The following ADAM22 variants were observed in gnomAD, a reference collection of about 807,000 sequenced individuals.
ADAM22 encodes the protein disintegrin and metalloproteinase domain-containing protein 22.
A neutral mutation model predicts 144.6 loss-of-function variants in ADAM22; 65 were observed. The observed-to-expected ratio is 0.45, with a 90% CI of 0.37 to 0.55. ADAM22 has a LOEUF of 0.55. ADAM22 is among the 20% of genes least tolerant of loss of function. The pLI is 0.00. For missense variants in ADAM22, 974 were observed against 1,184.9 expected (o/e 0.82, Z 2.61); for synonymous variants, 391 against 412.6 (o/e 0.95, Z 0.63).
At chr7:88,004,731 C>T (rs1402765331) in intron 3 of ADAM22, among the ~76,000 whole-genome samples, 1 of 152,142 alleles carries the variant, frequency 6.6e-6, no homozygotes, top group Admixed American at 6.5e-5. Flanking sequence ...TTGGGAAAAC[C>T]TCTGTCATAA....
At chr7:88,047,031 A>C (rs1804859893) in intron 3 of ADAM22, among the ~76,000 whole-genome samples, 1 of 152,140 alleles carries the variant, frequency 6.6e-6, no homozygotes, top group Admixed American at 6.5e-5. Flanking sequence ...TGTTCCTTTC[A>C]CTGGCCACTT....
Position 87,975,713 on chromosome 7 carries a change from A to G in ADAM22, c.247-2623A>G, listed in dbSNP as rs369747907. 6.6e-5 allele frequency among the ~76,000 whole-genome samples: 10 copies of G among 152,310 alleles called. No individual in the cohort carries two copies. The South Asian group carries it at 1.5e-3, about 22-fold the overall frequency. ...CAAGAAGAATTTTAACATTACCTCA[A>G]TCCAAGCTGTAATCATGATACCAAG... On this transcript the variant is annotated intron_variant, in intron 2 of 31. Coordinates refer to ENST00000413139, the MANE Select transcript of ADAM22 (RefSeq NM_001324418.2).
intron 17 of ADAM22, among the ~76,000 whole-genome samples, chr7:88,146,170 T>C (rs1420265133): frequency 1.3e-5 from 2 of 152,208 alleles, no homozygotes; most frequent in Non-Finnish European, 2.9e-5. Flanking sequence ...AAATCTGGTG[T>C]AATAGTCTAC....
At chr7:87,938,179 A>G in intron 2 of ADAM22, among the ~76,000 whole-genome samples, 1 of 122,866 alleles carries the variant, frequency 8.1e-6, no homozygotes, top group South Asian at 2.8e-4. Context: ...GTTCTAATTT[A>G]TGGCATTTTA....
At chr7:88,127,586 G>GT (rs3831545) in intron 8 of ADAM22, among the ~76,000 whole-genome samples, 2,116 of 145,096 alleles carry the variant, frequency 0.015, 28 homozygotes, top group Non-Finnish European at 0.019. Flanking sequence ...TGTTATAATA[G>GT]TTTTTTTTTT....
At chr7:88,123,277 G>T (rs991849884) in intron 7 of ADAM22, among the ~76,000 whole-genome samples, 2 of 151,844 alleles carry the variant, frequency 1.3e-5, no homozygotes, top group African/African-American at 4.8e-5. Context: ...AGATGTGTTA[G>T]GAAAAGTTTC....
chr7:87,994,019 G>A (rs1790506964), intron 3 of ADAM22, among the ~76,000 whole-genome samples: 1 of 152,030 alleles, frequency 6.6e-6, no homozygotes, highest in South Asian at 2.1e-4. Context: ...TAATAAAATT[G>A]TTTATAATCA....
chr7:87,998,718 T>C (rs1791832390), intron 3 of ADAM22, among the ~76,000 whole-genome samples: 1 of 152,142 alleles, frequency 6.6e-6, no homozygotes, highest in African/African-American at 2.4e-5. Context: ...AGTCAGCTGG[T>C]TAGTACCCCT....
At chr7:88,035,616 CT>C (rs1397426646) in intron 3 of ADAM22, among the ~76,000 whole-genome samples, 1 of 152,146 alleles carries the variant, frequency 6.6e-6, no homozygotes, top group East Asian at 1.9e-4. Context: ...TGATTTTGTT[CT>C]TGTTATTATT....
chr7:88,039,481 A>ATATATATATATATATATATATATG (rs1318969444), intron 3 of ADAM22, among the ~76,000 whole-genome samples: 1 of 134,722 alleles, frequency 7.4e-6, no homozygotes, highest in Non-Finnish European at 1.6e-5. Flanking sequence ...ATATATATAT[A>ATATATATATATATATATATATATG]TATACATTTC....
intron 3 of ADAM22, among the ~76,000 whole-genome samples, chr7:88,019,857 ATGTGTGTGTGTGTGTGTGTGTGTGTG>A (rs35909431): frequency 7.2e-6 from 1 of 138,942 alleles, no homozygotes; most frequent in Non-Finnish European, 1.6e-5. Context: ...CTCAAAAAAT[ATGTGTGTGTGTGTGTGTGTGTGTGTG>A]TGTGTGTGTG....
chr7:88,136,061 G>A (rs1485590025), intron 14 of ADAM22, 30 bp downstream of exon 14: 2 of 1,601,512 alleles, frequency 1.2e-6, no homozygotes, highest in Non-Finnish European at 1.7e-6. Flanking sequence ...AAATAACTCA[G>A]TCTTACATTC....
intron 8 of ADAM22, 130 bp downstream of exon 8, chr7:88,125,789 A>G: frequency 1.5e-6 from 1 of 655,374 alleles, no homozygotes; most frequent in Non-Finnish European, 2.5e-6. Flanking sequence ...GATAAACCGT[A>G]AGGGTGATGG....
At chr7:88,000,481 A>G (rs1419068554) in intron 3 of ADAM22, among the ~76,000 whole-genome samples, 1 of 152,160 alleles carries the variant, frequency 6.6e-6, no homozygotes, top group East Asian at 1.9e-4. Context: ...ATAGGCATGC[A>G]TATTCAGGAT....
At chr7:88,019,451 G>T (rs1585051876) in intron 3 of ADAM22, among the ~76,000 whole-genome samples, 1 of 152,172 alleles carries the variant, frequency 6.6e-6, no homozygotes, top group Admixed American at 6.5e-5. Flanking sequence ...CTCCTGCCTG[G>T]GCGACAGAGT....
At chr7:88,080,530 G>C (rs1324885810) in intron 4 of ADAM22, among the ~76,000 whole-genome samples, 1 of 151,616 alleles carries the variant, frequency 6.6e-6, no homozygotes, top group East Asian at 1.9e-4. Context: ...GACACAAAAA[G>C]CCCTTCAAAA....
intron 4 of ADAM22, among the ~76,000 whole-genome samples, chr7:88,107,240 C>T (rs1270574937): frequency 4.2e-5 from 5 of 120,144 alleles, no homozygotes; most frequent in Non-Finnish European, 8.1e-5. Context: ...GGGTCTCTAT[C>T]GCCCAGGCTG....
At chr7:88,194,980 C>T (rs1251356829) in intron 31 of ADAM22, among the ~76,000 whole-genome samples, 5 of 152,142 alleles carry the variant, frequency 3.3e-5, no homozygotes, top group Non-Finnish European at 7.4e-5. Flanking sequence ...GTGGAGTAGG[C>T]AGACATGGGC....
chr7:88,192,300 A>G (rs1849792994), intron 30 of ADAM22, among the ~76,000 whole-genome samples: 2 of 152,194 alleles, frequency 1.3e-5, no homozygotes, highest in Admixed American at 1.3e-4. Flanking sequence ...TTTTTCATTG[A>G]TATCTTATGA....
Sources: gnomAD v4.1 joint callset for allele counts (sites outside exome capture counted in the v4.1 genomes callset) on GRCh38, gnomAD v4.1.1 for gene constraint, MANE v1.5 for transcripts, NCBI Gene and HGNC (gene_info 2026-07-23, HGNC 2026-07-21) for gene names.